Variants in NFAT5 observed in about 807,000 individuals in gnomAD.
NFAT5 encodes the protein nuclear factor of activated T cells 5, also known as nuclear factor of activated T-cells 5.
NFAT5 carries 31 observed loss-of-function variants against 166.5 expected under a neutral mutation model. The observed-to-expected ratio is 0.19, with a 90% CI of 0.14 to 0.25. The LOEUF is 0.25. Among genes scored for constraint, NFAT5 ranks in the 10% least tolerant of loss-of-function variants. The pLI is 1.00. For synonymous variants in NFAT5, 612 were observed against 639.7 expected, an observed-to-expected ratio of 0.96 and a Z score of 0.65; for missense variants, 1,449 against 1,821.8, an observed-to-expected ratio of 0.80 and a Z score of 3.72.
intron 6 of NFAT5, among the ~76,000 whole-genome samples, chr16:69,657,035 G>A (rs2035909984): frequency 6.6e-6 from 1 of 152,046 alleles, no homozygotes; most frequent in Non-Finnish European, 1.5e-5. Context: ...TTGGATAGTT[G>A]CTAAAGACTT....
intron 6 of NFAT5, among the ~76,000 whole-genome samples, chr16:69,659,391 C>T (rs1337327830): frequency 6.6e-6 from 1 of 151,514 alleles, no homozygotes; most frequent in African/African-American, 2.4e-5. Context: ...TGCAGTGAGC[C>T]GAGATCACGC....
At chr16:69,618,992 T>C (rs754098332) in intron 2 of NFAT5, among the ~76,000 whole-genome samples, 4 of 152,230 alleles carry the variant, frequency 2.6e-5, no homozygotes, top group Non-Finnish European at 5.9e-5. Flanking sequence ...AACATCTTAT[T>C]TACGGAGCTT....
At chr16:69,678,376 A>G (rs1384829032) in intron 10 of NFAT5, among the ~76,000 whole-genome samples, 1 of 151,602 alleles carries the variant, frequency 6.6e-6, no homozygotes, top group Non-Finnish European at 1.5e-5. Context: ...CACCACGCCC[A>G]GCTAATTTTT....
intron 9 of NFAT5, 45 bp downstream of exon 9, chr16:69,670,333 G>A: frequency 8.2e-7 from 1 of 1,226,028 alleles, no homozygotes; most frequent in Non-Finnish European, 1.2e-6. Flanking sequence ...TACTCTCTGA[G>A]CAATTCAGTT....
intron 4 of NFAT5, chr16:69,649,333 A>G: frequency 1.0e-6 from 1 of 972,208 alleles, no homozygotes; most frequent in Non-Finnish European, 1.2e-6. Flanking sequence ...TTGAAGGTTC[A>G]AATTTAGAGC....
At chr16:69,666,984 A>G (rs1182023026) in intron 7 of NFAT5, among the ~76,000 whole-genome samples, 3 of 150,792 alleles carry the variant, frequency 2.0e-5, no homozygotes, top group Admixed American at 6.6e-5. Flanking sequence ...ATGGAATACT[A>G]TGCAGCCATA....
chr16:69,627,376 A>G (rs1196070272), intron 3 of NFAT5, among the ~76,000 whole-genome samples: 1 of 78,050 alleles, frequency 1.3e-5, no homozygotes, highest in African/African-American at 4.8e-5. Flanking sequence ...ATATATATAT[A>G]TATATATTTT....
Position 69,658,977 on chromosome 16 carries a change from A to G in NFAT5, c.1197-750A>G, listed in dbSNP as rs1234323841. Among the ~76,000 whole-genome samples, 4 of 152,124 alleles carry G rather than the reference A, an allele frequency of 2.6e-5. No homozygotes were observed. The East Asian group carries it at 7.7e-4, about 29-fold the overall frequency. ...GCTTTTTACTTAACATATCATGAGC[A>G]TTTTTCACATATCATTCAATGTGGT... On this transcript the variant is annotated intron_variant, in intron 6 of 14. Transcript: ENST00000349945.
chr16:69,593,362 C>A (rs1177423740), intron 2 of NFAT5, among the ~76,000 whole-genome samples: 1 of 152,118 alleles, frequency 6.6e-6, no homozygotes, highest in African/African-American at 2.4e-5. Flanking sequence ...AATTTTAAGA[C>A]AGGGTCTCAC....
At position 69,659,845 on chromosome 16, in the gene NFAT5, A is replaced by C. The variant is rs768851749; in HGVS notation, c.1315A>C (p.Arg439=). 3 of 1,614,108 alleles carry C rather than the reference A, an allele frequency of 1.9e-6. No homozygotes were observed. Among genetic ancestry groups the C allele is most frequent in the Non-Finnish European group, 2.5e-6 (3 of 1,179,982 alleles). Residue 439 remains arginine (R), a synonymous_variant, in exon 7 of 15, where the codon AGG becomes CGG. Transcript: ENST00000349945. ...ATTGGTTTTTCGAGTTAATATCATGAGGAAAGATGGCTCCACTTTGACACT... is the reference window on the plus strand; with the variant it reads ...ATTGGTTTTTCGAGTTAATATCATGCGGAAAGATGGCTCCACTTTGACACT... ...ARLVFRVNIM[R]KDGSTLTLQT...
chr16:69,647,279 T>C lies in NFAT5; in HGVS notation c.505T>C (p.Leu169=). Residue 169 remains leucine, a synonymous_variant, in exon 4 of 15, where the codon TTG becomes CTG. Coordinates refer to ENST00000349945, the MANE Select transcript of NFAT5 (RefSeq NM_138713.4). This position sits in a 1 kb window ranked among gnomAD's most constrained non-coding sequence, Gnocchi z 4.8. ...GTACATCTCACCACCACCTGAGGAC[T>C]TGCTGGATAACAGTCGGATGTCCTG... ...VLYISPPPED[L]LDNSRMSCQD... 1 of 1,614,140 alleles carries C rather than the reference T, an allele frequency of 6.2e-7. No homozygotes were observed. Among genetic ancestry groups the C allele is most frequent in the Non-Finnish European group, 8.5e-7 (1 of 1,180,020 alleles).
rs2151736713 is a variant in NFAT5 at position 69,703,102 on chromosome 16, T to C, written c.*6751T>C. 1 of 152,764 alleles carries C rather than the reference T, an allele frequency of 6.5e-6. No homozygotes were observed. The highest frequency in any genetic ancestry group is 1.9e-4 in the East Asian group (1 of 5,194). The allele number at this position is 152,764 out of a possible 1,614,324, so 9.5% of individuals were successfully genotyped here. A position where few individuals can be genotyped will look rare whatever the true frequency, so the allele number is the denominator to read the frequency against. On this transcript the variant is annotated 3_prime_UTR_variant, in exon 15 of 15. Coordinates refer to ENST00000349945, the MANE Select transcript of NFAT5 (RefSeq NM_138713.4). ...CATTATGGGCAGTGTAATACAAGCT[T>C]TCTTTTCATTGCCTAGTACTTTACC...
intron 10 of NFAT5, among the ~76,000 whole-genome samples, chr16:69,679,400 A>C (rs1480483344): frequency 6.6e-6 from 1 of 151,772 alleles, no homozygotes; most frequent in Non-Finnish European, 1.5e-5. Flanking sequence ...CGAATCACTT[A>C]AGGCCAGGAA....
At position 69,678,339 on chromosome 16, in the gene NFAT5, C is replaced by T. The variant is rs142933031; in HGVS notation, c.1690+1004C>T. On this transcript the variant is annotated intron_variant, in intron 10 of 14. Coordinates refer to ENST00000349945, the MANE Select transcript of NFAT5 (RefSeq NM_138713.4). ...AAGCTATTCTCCTGCCTCAGCCTCCCGAGTAGCTGGGACTACGGGTGTACA... is the reference window on the plus strand; with the variant it reads ...AAGCTATTCTCCTGCCTCAGCCTCCTGAGTAGCTGGGACTACGGGTGTACA... 9.1e-3 allele frequency among the ~76,000 whole-genome samples: 1,381 copies of T among 151,712 alleles called. 19 individuals carry two copies. The highest frequency in any genetic ancestry group is 0.032 in the African/African-American group (1,316 of 41,468).
intron 4 of NFAT5, chr16:69,648,763 T>A (rs1597467610): frequency 1.0e-6 from 1 of 973,836 alleles, no homozygotes; most frequent in East Asian, 1.1e-4. Flanking sequence ...ATTTCAGTTT[T>A]ACACAAAAAG....
intron 2 of NFAT5, among the ~76,000 whole-genome samples, chr16:69,613,317 T>C (rs938331459): frequency 6.6e-6 from 1 of 152,204 alleles, no homozygotes; most frequent in African/African-American, 2.4e-5. Flanking sequence ...TAGGACCTAA[T>C]CTATTCTCTG....
At chr16:69,665,638 AACT>A (rs2036341168) in intron 7 of NFAT5, among the ~76,000 whole-genome samples, 1 of 97,486 alleles carries the variant, frequency 1.0e-5, no homozygotes, top group African/African-American at 5.0e-5. Context: ...CTTCAAGGAG[AACT>A]ACAAGCCACT....
At chr16:69,686,212 G>C (rs2037295785) in intron 11 of NFAT5, 1 of 152,160 alleles carries the variant, frequency 6.6e-6, no homozygotes, top group South Asian at 2.1e-4. Context: ...AATTAGCCTG[G>C]CATGGTGATG....
At position 69,682,240 on chromosome 16, in the gene NFAT5, T is replaced by C. The variant is rs544159892; in HGVS notation, c.1691-2647T>C. Among the ~76,000 whole-genome samples, 11 of 152,106 alleles carry C rather than the reference T, an allele frequency of 7.2e-5. No individual in the cohort carries two copies. The South Asian group carries it at 2.3e-3, about 32-fold the overall frequency. Reference sequence around the variant, plus strand: ...TCAGACACAAAAATCACACATTATTTGCTGTAACTCCACAGTGGTGATTTC... The same window carrying C: ...TCAGACACAAAAATCACACATTATTCGCTGTAACTCCACAGTGGTGATTTC... On this transcript the variant is annotated intron_variant, in intron 10 of 14. Transcript: ENST00000349945.
Sources: allele counts gnomAD v4.1 joint callset (sites outside exome capture counted in the v4.1 genomes callset), GRCh38; gene constraint gnomAD v4.1.1; non-coding constraint Gnocchi (gnomAD v3.1); transcripts MANE v1.5; gene names NCBI Gene and HGNC (gene_info 2026-07-23, HGNC 2026-07-21).